The following TXNRD2 variants were observed in gnomAD, a reference collection of about 807,000 sequenced individuals.
The protein encoded by TXNRD2 is thioredoxin reductase 2, also known as thioredoxin reductase 2, mitochondrial.
A neutral mutation model predicts 70.8 loss-of-function variants in TXNRD2; 67 were observed. The observed-to-expected ratio is 0.95, with a 90% CI of 0.78 to 1.16. The LOEUF is 1.16. TXNRD2 is among the 50% of genes most tolerant of loss of function. The probability of loss-of-function intolerance (pLI) is 0.00; values close to 1 mark genes in which losing one functional copy is unlikely to be tolerated. For synonymous variants in TXNRD2, 301 were observed against 295.8 expected (o/e 1.02, Z -0.18); for missense variants, 644 against 719.9 (o/e 0.89, Z 1.21).
intron 8 of TXNRD2, among the ~76,000 whole-genome samples, chr22:19,907,706 C>A (rs567344202): frequency 2.2e-4 from 11 of 49,890 alleles, no homozygotes; most frequent in African/African-American, 7.6e-4. Context: ...GTAGCAGTGA[C>A]CGCTCTCAGG....
intron 7 of TXNRD2, among the ~76,000 whole-genome samples, chr22:19,911,693 C>T (rs79099740): frequency 6.6e-6 from 1 of 152,162 alleles, no homozygotes; most frequent in Admixed American, 6.5e-5. Flanking sequence ...CCCCTCTGTT[C>T]CCCAGGACCC....
At chr22:19,914,961 C>T in intron 7 of TXNRD2, 1 of 505,762 alleles carries the variant, frequency 2.0e-6, no homozygotes, top group Middle Eastern at 5.1e-4. Context: ...TGGAAGGGGA[C>T]AGATCCAGCG....
chr22:19,880,798 C>T (rs150877235), intron 12 of TXNRD2, 81 bp from the exon 13 acceptor site: 18 of 946,248 alleles, frequency 1.9e-5, no homozygotes, highest in Admixed American at 1.8e-4. Flanking sequence ...CTTTGCCCTC[C>T]GAGTGGGCAT....
chr22:19,913,523 C>A (rs1208161616), intron 7 of TXNRD2, among the ~76,000 whole-genome samples: 1 of 152,214 alleles, frequency 6.6e-6, no homozygotes, highest in African/African-American at 2.4e-5. Flanking sequence ...TCTCTGGGGG[C>A]ATTTGTCTGA....
chr22:19,909,359 G>T (rs917513119), intron 8 of TXNRD2, among the ~76,000 whole-genome samples: 1 of 152,056 alleles, frequency 6.6e-6, no homozygotes, highest in Non-Finnish European at 1.5e-5. Flanking sequence ...ATGAAGAAGA[G>T]AAACTACTGA....
At chr22:19,921,292 G>A (rs1381392947) in intron 2 of TXNRD2, among the ~76,000 whole-genome samples, 1 of 151,570 alleles carries the variant, frequency 6.6e-6, no homozygotes, top group East Asian at 1.9e-4. Flanking sequence ...GCATGCGCCT[G>A]TGGTCCCAGC....
chr22:19,899,432 G>C (rs949658665), intron 8 of TXNRD2, among the ~76,000 whole-genome samples: 1 of 152,216 alleles, frequency 6.6e-6, no homozygotes, highest in Admixed American at 6.5e-5. Flanking sequence ...TGGCAGGATG[G>C]GGAGGCCACC....
intron 11 of TXNRD2, among the ~76,000 whole-genome samples, chr22:19,885,463 G>A (rs558610336): frequency 3.5e-5 from 5 of 142,712 alleles, no homozygotes; most frequent in South Asian, 2.2e-4. Context: ...GCGGGAGGCC[G>A]GCTCCAGCCT....
At chr22:19,899,802 C>T (rs770339794) in intron 8 of TXNRD2, among the ~76,000 whole-genome samples, 4 of 152,236 alleles carry the variant, frequency 2.6e-5, no homozygotes, top group Non-Finnish European at 1.5e-5. Context: ...CGCACATACT[C>T]GCATGGGTAC....
intron 8 of TXNRD2, among the ~76,000 whole-genome samples, chr22:19,909,918 TTCACACACACACACCAC>T (rs1940318681): frequency 1.5e-4 from 1 of 6,458 alleles, no homozygotes; most frequent in Admixed American, 1.9e-3. Context: ...ACCCACACCC[TTCACACACACACACCAC>T]TCACACACCA....
chr22:19,941,751 C>T lies in TXNRD2; in HGVS notation c.53G>A (p.Arg18Gln), dbSNP rs1296549321. ...LRGLGGRFRW[R>Q]TQAVAGGVRG... ...CACCCCGCCCGCCACGGCCTGCGTC[C>T]GCCACCGGAAGCGCCCTCCTAATCC... Residue 18 changes from arginine (R) to glutamine (Q), a missense_variant, in exon 1 of 18, where the codon CGG becomes CAG. Coordinates refer to ENST00000400521, the MANE Select transcript of TXNRD2 (RefSeq NM_006440.5). 2.7e-6 allele frequency: 4 copies of T among 1,503,876 alleles called. No individual in the cohort carries two copies. The highest frequency in any genetic ancestry group is 3.5e-6 in the Non-Finnish European group (4 of 1,134,670). The allele number at this position is 1,503,876 out of a possible 1,614,324, so 93.2% of individuals were successfully genotyped here.
chr22:19,928,388 T>G (rs998718861), intron 2 of TXNRD2, among the ~76,000 whole-genome samples: 1 of 151,966 alleles, frequency 6.6e-6, no homozygotes, highest in Non-Finnish European at 1.5e-5. Flanking sequence ...TACTCAGCAA[T>G]GAAAAGCAAG....
intron 14 of TXNRD2, among the ~76,000 whole-genome samples, chr22:19,879,056 AAAAC>A (rs750899234): frequency 3.3e-5 from 5 of 152,276 alleles, no homozygotes; most frequent in Admixed American, 6.5e-5. Flanking sequence ...AATTGAAAAG[AAAAC>A]AAACAGAGTA....
intron 14 of TXNRD2, among the ~76,000 whole-genome samples, chr22:19,879,559 C>T (rs1170655076): frequency 5.6e-3 from 47 of 8,354 alleles, no homozygotes; most frequent in Non-Finnish European, 8.4e-3. Flanking sequence ...GGGCGGGGGG[C>T]GGGGGGCTCT....
chr22:19,914,537 C>A (rs959199080), intron 7 of TXNRD2, among the ~76,000 whole-genome samples: 1 of 152,176 alleles, frequency 6.6e-6, no homozygotes, highest in Non-Finnish European at 1.5e-5. Context: ...ACACACGTAC[C>A]AGTTACATGA....
chr22:19,913,833 G>A (rs541828946), intron 7 of TXNRD2, among the ~76,000 whole-genome samples: 17 of 152,178 alleles, frequency 1.1e-4, no homozygotes, highest in Admixed American at 1.3e-4. Context: ...CCCTCCAAAC[G>A]CACACAGAGC....
chr22:19,879,398 C>A (rs1938652689), intron 14 of TXNRD2, among the ~76,000 whole-genome samples: 1 of 152,092 alleles, frequency 6.6e-6, no homozygotes, highest in African/African-American at 2.4e-5. Flanking sequence ...GGCTTCAGAG[C>A]CCCCGCATCC....
chr22:19,931,083 T>C lies in TXNRD2; in HGVS notation c.119A>G (p.Tyr40Cys), dbSNP rs1282852090. The C allele has an allele frequency of 1.9e-6, 3 of 1,613,554 alleles. No individual in the cohort carries two copies. The highest frequency in any genetic ancestry group is 1.6e-4 in the Middle Eastern group (1 of 6,062). Residue 40 changes from tyrosine (Y) to cysteine (C), a missense_variant, in exon 2 of 18, where the codon TAT (tyrosine) becomes TGT (cysteine). This residue lies in a region of TXNRD2 where 566 missense variants were observed against 645.0 expected (regional missense o/e 0.88). Transcript: ENST00000400521. ...ARGAAAGQRD[Y>C]DLLVVGGGSG... ...TCCCCCGCCGACCACCAGGAGATCA[T>C]AGTCCCGCTGACCTGCTGAGAGAAG...
At chr22:19,905,914 TAAAAA>T (rs35285035) in intron 8 of TXNRD2, among the ~76,000 whole-genome samples, 1 of 132,346 alleles carries the variant, frequency 7.6e-6, no homozygotes. Flanking sequence ...ATACAGGGCT[TAAAAA>T]AAAAAAAAAA....
Sources: gnomAD v4.1 joint callset for allele counts (sites outside exome capture counted in the v4.1 genomes callset) on GRCh38, gnomAD v4.1.1 for gene constraint, gnomAD v4.1.1 regional missense constraint, MANE v1.5 for transcripts, NCBI Gene and HGNC (gene_info 2026-07-23, HGNC 2026-07-21) for gene names.